Variants in GABRR1 observed in about 807,000 individuals in gnomAD.
GABRR1 encodes the protein gamma-aminobutyric acid receptor subunit rho-1.
In GABRR1, 59 loss-of-function variants were observed where a neutral mutation model predicts 55.5. The observed-to-expected ratio is 1.06, with a 90% CI of 0.86 to 1.32. GABRR1 has a LOEUF of 1.32. Among genes scored for constraint, GABRR1 ranks in the 40% most tolerant of loss-of-function variants. The probability of loss-of-function intolerance (pLI) is 0.00; values close to 1 mark genes in which losing one functional copy is unlikely to be tolerated. For synonymous variants in GABRR1, 213 were observed against 226.0 expected (o/e 0.94, Z 0.51); for missense variants, 602 against 619.1 (o/e 0.97, Z 0.29).
Position 89,178,938 on chromosome 6 carries a change from C to T in GABRR1, c.1272G>A (p.Met424Ile), listed in dbSNP as rs775545112. 4 of 1,614,176 alleles carry T rather than the reference C, an allele frequency of 2.5e-6. No individual in the cohort carries two copies. Among genetic ancestry groups the T allele is most frequent in the Admixed American group, 3.3e-5 (2 of 60,026 alleles). The change falls in exon 10 of 10, where the codon ATG (methionine) becomes ATA (isoleucine). Residue 424 changes from methionine to isoleucine, a missense_variant. Met to Ile is a conservative substitution (Grantham distance 10). Around this residue, in one of 3 missense-constraint regions of GABRR1, gnomAD observed 139 missense variants for 141.1 expected, o/e 0.99. Coordinates refer to ENST00000454853, the MANE Select transcript of GABRR1 (RefSeq NM_002042.5). Reference sequence around the variant, plus strand: ...TCTCTGAGGCCAGGGTCAGCTGCACCATCATCCTGTCGGGCTTCTCTCCAT... The same window carrying T: ...TCTCTGAGGCCAGGGTCAGCTGCACTATCATCCTGTCGGGCTTCTCTCCAT... Reference protein sequence around the residue: ...PENGEKPDRMMVQLTLASERS... With the variant: ...PENGEKPDRMIVQLTLASERS...
In GABRR1 at chr6:89,212,367, G is replaced by T. The variant is rs1287881412; in HGVS notation, c.122+4834C>A. 4.3e-5 allele frequency among the ~76,000 whole-genome samples: 2 copies of T among 46,192 alleles called. 1 individual carries two copies. The highest frequency in any genetic ancestry group is 4.6e-4 in the Admixed American group (2 of 4,338). The allele number at this position is 46,192 out of a possible 152,430, so 30.3% of individuals were successfully genotyped here. A position where few individuals can be genotyped will look rare whatever the true frequency, so the allele number is the denominator to read the frequency against. On this transcript the variant is annotated intron_variant, in intron 1 of 9. Coordinates refer to ENST00000454853, the MANE Select transcript of GABRR1 (RefSeq NM_002042.5). ...TCATAGACTCTGGATTACTTTCTCTGTTTCCCCTCTATCCCCCTTCCTGGT... is the reference window on the plus strand; with the variant it reads ...TCATAGACTCTGGATTACTTTCTCTTTTTCCCCTCTATCCCCCTTCCTGGT...
At chr6:89,219,011 A>G (rs988923698), upstream of GABRR1, among the ~76,000 whole-genome samples, 2 of 152,068 alleles carry the variant, frequency 1.3e-5, no homozygotes, top group Admixed American at 1.3e-4. Flanking sequence ...CACGCCTGTA[A>G]TCCCAGCACT....
At chr6:89,220,662 G>C (rs1412250351), upstream of GABRR1, among the ~76,000 whole-genome samples, 2 of 152,148 alleles carry the variant, frequency 1.3e-5, no homozygotes, top group East Asian at 3.8e-4. Context: ...GCCAGCATCA[G>C]AGCATATTAA....
chr6:89,220,570 T>G (rs183408096), upstream of GABRR1, among the ~76,000 whole-genome samples: 23 of 152,324 alleles, frequency 1.5e-4, no homozygotes, highest in African/African-American at 4.6e-4. Flanking sequence ...CACGTGGCTC[T>G]AATGCGGAGA....
intron 4 of GABRR1, among the ~76,000 whole-genome samples, chr6:89,198,986 G>A (rs1423944776): frequency 1.3e-5 from 2 of 151,970 alleles, no homozygotes; most frequent in East Asian, 3.9e-4. Context: ...CGGGCGGGGG[G>A]AAAGGACACT....
At chr6:89,191,677 T>A (rs995281182) in intron 5 of GABRR1, among the ~76,000 whole-genome samples, 1 of 152,140 alleles carries the variant, frequency 6.6e-6, no homozygotes, top group African/African-American at 2.4e-5. Flanking sequence ...CTCTTTAAAT[T>A]GATTCATTGG....
At chr6:89,196,778 A>G (rs1393046414) in intron 5 of GABRR1, among the ~76,000 whole-genome samples, 1 of 150,900 alleles carries the variant, frequency 6.6e-6, no homozygotes, top group African/African-American at 2.4e-5. Flanking sequence ...CTCTGTAAAT[A>G]AAAAAAGAAA....
At chr6:89,209,350 C>T (rs1209439629) in intron 1 of GABRR1, among the ~76,000 whole-genome samples, 2 of 152,108 alleles carry the variant, frequency 1.3e-5, no homozygotes, top group South Asian at 2.1e-4. Context: ...TCTTATAGAA[C>T]GTACTACTTT....
intron 6 of GABRR1, 101 bp from the exon 7 acceptor site, chr6:89,185,551 TG>T (rs1771877617): frequency 2.0e-6 from 2 of 989,972 alleles, no homozygotes; most frequent in Non-Finnish European, 3.1e-6. Context: ...CACTGACTAC[TG>T]GGATTGTGAT....
chr6:89,212,827 G>C (rs1029056), intron 1 of GABRR1, among the ~76,000 whole-genome samples: 79,777 of 151,412 alleles, frequency 0.53, 21,312 homozygotes, highest in Middle Eastern at 0.61. Flanking sequence ...CCTCACCGTG[G>C]CCAGCTACAT....
At chr6:89,181,225 G>A (rs1010985969) in intron 8 of GABRR1, among the ~76,000 whole-genome samples, 5 of 152,100 alleles carry the variant, frequency 3.3e-5, no homozygotes, top group African/African-American at 1.2e-4. Context: ...CAAATCACAG[G>A]GGATTGGGGT....
At chr6:89,183,530 G>A (rs1033537563) in intron 7 of GABRR1, among the ~76,000 whole-genome samples, 2 of 152,116 alleles carry the variant, frequency 1.3e-5, no homozygotes, top group Admixed American at 6.6e-5. Flanking sequence ...AGATTTGAGC[G>A]AAATCATCCT....
chr6:89,202,300 TTTGTTTG>T (rs1441093102), intron 2 of GABRR1, among the ~76,000 whole-genome samples: 2 of 151,990 alleles, frequency 1.3e-5, no homozygotes, highest in Non-Finnish European at 2.9e-5. Flanking sequence ...TGTTTGTTTG[TTTGTTTG>T]TTTTGAGACA....
chr6:89,201,800 G>A (rs1033822697), intron 2 of GABRR1, among the ~76,000 whole-genome samples: 11 of 150,892 alleles, frequency 7.3e-5, no homozygotes, highest in Non-Finnish European at 1.5e-4. Flanking sequence ...AAAAAATACC[G>A]ATGCCCAGGC....
chr6:89,192,663 C>T (rs188288649), intron 5 of GABRR1, among the ~76,000 whole-genome samples: 166 of 151,054 alleles, frequency 1.1e-3, no homozygotes, highest in African/African-American at 3.8e-3. Flanking sequence ...CTGGTTCAAA[C>T]GATTCTCCTG....
At chr6:89,192,448 G>A (rs1173473394) in intron 5 of GABRR1, among the ~76,000 whole-genome samples, 1 of 152,058 alleles carries the variant, frequency 6.6e-6, no homozygotes, top group Non-Finnish European at 1.5e-5. Context: ...CTTTTTGAGA[G>A]GTCCCAGTGA....
At position 89,204,536 on chromosome 6, in the gene GABRR1, G is replaced by GT. The variant is rs1772583293; in HGVS notation, c.123-1052_123-1051insA. 3.5e-6 allele frequency: 3 copies of GT among 846,922 alleles called. No homozygotes were observed. In the South Asian group the frequency reaches 5.7e-5, roughly 16 times the overall value. 52.5% of individuals were successfully genotyped at this position (846,922 alleles called of 1,614,324 possible). ...GCCCCCTACATGGGCACCTAAAAAGGGAGACAGGAGGGAATGAAAGAGGAG... is the reference window on the plus strand; with the variant it reads ...GCCCCCTACATGGGCACCTAAAAAGGTGAGACAGGAGGGAATGAAAGAGGAG... On this transcript the variant is annotated intron_variant, in intron 1 of 9. Transcript: ENST00000454853.
intron 7 of GABRR1, among the ~76,000 whole-genome samples, chr6:89,184,056 A>G (rs905876204): frequency 6.6e-6 from 1 of 152,088 alleles, no homozygotes; most frequent in Admixed American, 6.5e-5. Flanking sequence ...CCTGGCCAAC[A>G]TGGTGAAACC....
intron 1 of GABRR1, among the ~76,000 whole-genome samples, chr6:89,215,436 A>G (rs1772954148): frequency 1.3e-5 from 2 of 152,236 alleles, no homozygotes; most frequent in Admixed American, 6.5e-5. Flanking sequence ...CCAAGCATCA[A>G]AGACAAATAC....
Sources: gnomAD v4.1 joint callset for allele counts (sites outside exome capture counted in the v4.1 genomes callset) on GRCh38, gnomAD v4.1.1 for gene constraint, gnomAD v4.1.1 regional missense constraint, MANE v1.5 for transcripts, NCBI Gene and HGNC (gene_info 2026-07-23, HGNC 2026-07-21) for gene names.